The following SORL1-AS1 variants were observed in gnomAD, a reference collection of about 807,000 sequenced individuals.
The protein encoded by SORL1-AS1 is lncRNA 51 A.
chr11:121,446,675 CA>C (rs1306424447), downstream of SORL1-AS1, among the ~76,000 whole-genome samples: 3 of 151,400 alleles, frequency 2.0e-5, no homozygotes, highest in African/African-American at 7.3e-5. Context: ...CATTTGAACT[CA>C]GGGGGTGGAG....
At chr11:121,448,496 C>T (rs1193333422) in exon 2 of SORL1-AS1, 4 of 152,208 alleles carry the variant, frequency 2.6e-5, no homozygotes, top group Non-Finnish European at 4.4e-5. Context: ...GCAGGGAAGT[C>T]CCTTTTCTGC....
exon 2 of SORL1-AS1, chr11:121,447,875 C>T (rs1281179767): frequency 6.6e-6 from 1 of 152,186 alleles, no homozygotes; most frequent in Non-Finnish European, 1.5e-5. Flanking sequence ...GGCCTACAGC[C>T]ACTCCCTTTC....
At chr11:121,438,527 A>G in the SORL1-AS1 span, among the ~76,000 whole-genome samples, 2 of 152,062 alleles carry the variant, frequency 1.3e-5, no homozygotes, top group South Asian at 4.1e-4. Context: ...TAGACTTCAC[A>G]TAAGTGGAGT....
At position 121,452,502 on chromosome 11, in the gene SORL1-AS1, G is replaced by A. The variant is rs1263157692; in HGVS notation, n.339+173C>T. The A allele has an allele frequency of 2.0e-6, 3 of 1,480,446 alleles. No individual in the cohort carries two copies. The highest frequency in any genetic ancestry group is 2.4e-5 in the Admixed American group (1 of 41,596). The allele number at this position is 1,480,446 out of a possible 1,614,324, so 91.7% of individuals were successfully genotyped here. A position where few individuals can be genotyped will look rare whatever the true frequency, so the allele number is the denominator to read the frequency against. On this transcript the variant is annotated intron_variant and non_coding_transcript_variant, in intron 1 of 1. Transcript: ENST00000501964. This position sits in a 1 kb window ranked among gnomAD's most constrained non-coding sequence, Gnocchi z 5.3. ...TCGTGGTGCAGGGCGACCCGCGCGA[G>A]CTGCGGCTGTGGGCGCGCGGGGATG...
Position 121,450,379 on chromosome 11 carries a change from T to C in SORL1-AS1, n.340-480A>G, listed in dbSNP as rs915098968. On this transcript the variant is annotated intron_variant and non_coding_transcript_variant, in intron 1 of 1. Transcript: ENST00000501964. The surrounding 1 kb of genome is among the most constrained non-coding windows in gnomAD (Gnocchi z 5.2). ...GCTGACCAGACAGAGCTGATCTAGA[T>C]GAGGGGTGGGAGGTGACAGTGGTTC... Among the ~76,000 whole-genome samples, 1 of 152,060 alleles carries C rather than the reference T, an allele frequency of 6.6e-6. No individual in the cohort carries two copies.
chr11:121,445,200 C>T (rs61575840), downstream of SORL1-AS1, among the ~76,000 whole-genome samples: 5,454 of 152,212 alleles, frequency 0.036, 107 homozygotes, highest in Non-Finnish European at 0.041. Flanking sequence ...GTAAAATTTC[C>T]AGGGTGATGG....
chr11:121,441,603 C>A, the SORL1-AS1 span, among the ~76,000 whole-genome samples: 3 of 150,634 alleles, frequency 2.0e-5, no homozygotes, highest in Admixed American at 1.3e-4. Flanking sequence ...GACTATGAGA[C>A]TAAGTTCTGG....
exon 2 of SORL1-AS1, chr11:121,449,373 A>G (rs1177906554): frequency 6.6e-6 from 1 of 152,184 alleles, no homozygotes. Flanking sequence ...TACAACCCAG[A>G]GCTGGTTTTG....
chr11:121,440,864 G>A, the SORL1-AS1 span, among the ~76,000 whole-genome samples: 1 of 152,198 alleles, frequency 6.6e-6, no homozygotes, highest in African/African-American at 2.4e-5. Context: ...TTTGGGTCTT[G>A]ATTTCTGAAG....
At chr11:121,445,555 C>A (rs1860711488), downstream of SORL1-AS1, among the ~76,000 whole-genome samples, 2 of 152,132 alleles carry the variant, frequency 1.3e-5, no homozygotes, top group South Asian at 4.1e-4. Flanking sequence ...TGTTCCCACA[C>A]CCTACCTTGC....
intron 1 of SORL1-AS1, chr11:121,449,917 T>C (rs1166286044): frequency 1.3e-5 from 2 of 152,246 alleles, no homozygotes; most frequent in East Asian, 3.8e-4. Flanking sequence ...TGGTTTGGAA[T>C]GTAGATAATG....
At chr11:121,445,882 G>A (rs1860716028), downstream of SORL1-AS1, among the ~76,000 whole-genome samples, 1 of 151,960 alleles carries the variant, frequency 6.6e-6, no homozygotes, top group South Asian at 2.1e-4. Context: ...ATAGGCATTT[G>A]AACCTATTAT....
At chr11:121,441,554 T>C in the SORL1-AS1 span, among the ~76,000 whole-genome samples, 1 of 115,934 alleles carries the variant, frequency 8.6e-6, no homozygotes, top group African/African-American at 3.9e-5. Flanking sequence ...AAAAAAAGAA[T>C]AAGGCCTCTA....
chr11:121,440,366 C>A, the SORL1-AS1 span, among the ~76,000 whole-genome samples: 1 of 152,058 alleles, frequency 6.6e-6, no homozygotes, highest in African/African-American at 2.4e-5. Context: ...AGAGTGAGAC[C>A]CTGTCTCTAA....
chr11:121,452,485 C>T lies in SORL1-AS1; in HGVS notation n.339+190G>A. The stretch of plus-strand genomic sequence containing the variant: ...CCAGGACCGGGGCTTCCTCGTGGTG[C>T]AGGGCGACCCGCGCGAGCTGCGGCT... On this transcript the variant is annotated intron_variant and non_coding_transcript_variant, in intron 1 of 1. Transcript: ENST00000501964. The surrounding 1 kb of genome is among the most constrained non-coding windows in gnomAD (Gnocchi z 5.3). 1 of 1,490,784 alleles carries T rather than the reference C, an allele frequency of 6.7e-7. No individual in the cohort carries two copies. The highest frequency in any genetic ancestry group is 8.9e-7 in the Non-Finnish European group (1 of 1,122,472). The allele number at this position is 1,490,784 out of a possible 1,614,324, so 92.3% of individuals were successfully genotyped here.
chr11:121,452,666 C>T lies in SORL1-AS1; in HGVS notation n.339+9G>A. ...CCTCCAGTTTTTTCCTCTCCCTGCA[C>T]TTCCTCACCCCCGCATCCATCCGTT... is the stretch of plus-strand genomic sequence containing the variant. On this transcript the variant is annotated intron_variant and non_coding_transcript_variant, in intron 1 of 1. Coordinates refer to ENST00000501964, the Ensembl canonical transcript of SORL1-AS1. This position sits in a 1 kb window ranked among gnomAD's most constrained non-coding sequence, Gnocchi z 5.3. 4 of 1,382,590 alleles carry T rather than the reference C, an allele frequency of 2.9e-6. No individual in the cohort carries two copies. Among genetic ancestry groups the T allele is most frequent in the Non-Finnish European group, 3.8e-6 (4 of 1,065,430 alleles). The allele number at this position is 1,382,590 out of a possible 1,614,324, so 85.6% of individuals were successfully genotyped here.
At chr11:121,451,964 C>T (rs1424697097) in intron 1 of SORL1-AS1, among the ~76,000 whole-genome samples, 1 of 152,154 alleles carries the variant, frequency 6.6e-6, no homozygotes, top group African/African-American at 2.4e-5. Flanking sequence ...GAGCCCCATG[C>T]AACTCTTCAT....
chr11:121,441,577 C>G, the SORL1-AS1 span, among the ~76,000 whole-genome samples: 1 of 149,538 alleles, frequency 6.7e-6, no homozygotes, highest in South Asian at 2.1e-4. Flanking sequence ...TCCCAGCATC[C>G]CTTGCAGGTA....
At chr11:121,443,091 C>A (rs893600153), downstream of SORL1-AS1, among the ~76,000 whole-genome samples, 18 of 152,074 alleles carry the variant, frequency 1.2e-4, no homozygotes, top group Admixed American at 9.8e-4. Context: ...TTTTGATAAG[C>A]CATATGTCTT....
Sources: allele counts gnomAD v4.1 joint callset (sites outside exome capture counted in the v4.1 genomes callset), GRCh38; gene constraint gnomAD v4.1.1; non-coding constraint Gnocchi (gnomAD v3.1); transcripts MANE v1.5; gene names NCBI Gene and HGNC (gene_info 2026-07-23, HGNC 2026-07-21).